CDH13: variants seen among roughly 807,000 people sequenced by gnomAD.
The protein encoded by CDH13 is cadherin-13.
In CDH13, 24 loss-of-function variants were observed where a neutral mutation model predicts 63.8. The observed-to-expected ratio is 0.38, with a 90% confidence interval of 0.27 to 0.53. The LOEUF is 0.53. Among genes scored for constraint, CDH13 ranks in the 20% least tolerant of loss-of-function variants. The probability of loss-of-function intolerance (pLI) is 0.85; values close to 1 mark genes in which losing one functional copy is unlikely to be tolerated. For synonymous variants in CDH13, 503 were observed against 355.3 expected (o/e 1.42, Z -4.67); for missense variants, 1,049 against 903.1 (o/e 1.16, Z -2.07).
chr16:83,746,375 C>A (rs190208233), intron 10 of CDH13, among the ~76,000 whole-genome samples: 5 of 152,266 alleles, frequency 3.3e-5, no homozygotes, highest in African/African-American at 1.2e-4. Context: ...TCTGCCTCCC[C>A]CTGAGGACAC....
intron 1 of CDH13, among the ~76,000 whole-genome samples, chr16:82,799,340 C>G (rs904799890): frequency 2.6e-5 from 4 of 152,174 alleles, no homozygotes; most frequent in East Asian, 1.9e-4. Context: ...GCTTGGCACC[C>G]AATCCCCACT....
intron 10 of CDH13, among the ~76,000 whole-genome samples, chr16:83,683,919 G>T (rs1379775412): frequency 6.6e-6 from 1 of 152,174 alleles, no homozygotes; most frequent in Non-Finnish European, 1.5e-5. Context: ...AAACAGATCA[G>T]GTTCCCACTC....
At chr16:83,727,460 T>C (rs1395599035) in intron 10 of CDH13, among the ~76,000 whole-genome samples, 1 of 151,722 alleles carries the variant, frequency 6.6e-6, no homozygotes, top group Non-Finnish European at 1.5e-5. Context: ...ACCGAGATTC[T>C]CCCAGCACAT....
intron 8 of CDH13, among the ~76,000 whole-genome samples, chr16:83,610,540 C>T (rs932157064): frequency 2.0e-5 from 3 of 152,150 alleles, no homozygotes; most frequent in South Asian, 2.1e-4. Context: ...CCTCTCCTGA[C>T]GTCTTTCACT....
intron 1 of CDH13, among the ~76,000 whole-genome samples, chr16:82,794,669 T>C (rs187212523): frequency 1.3e-5 from 2 of 152,332 alleles, no homozygotes; most frequent in South Asian, 2.1e-4. Flanking sequence ...TGAATAGTTA[T>C]GTTGCCATGC....
At chr16:83,114,986 T>TC (rs2035226916) in intron 3 of CDH13, among the ~76,000 whole-genome samples, 1 of 152,178 alleles carries the variant, frequency 6.6e-6, no homozygotes, top group Non-Finnish European at 1.5e-5. Context: ...AATTAAGCTG[T>TC]CCCCCTGCAG....
intron 4 of CDH13, among the ~76,000 whole-genome samples, chr16:83,137,149 C>A (rs966248391): frequency 4.6e-5 from 7 of 152,178 alleles, no homozygotes; most frequent in African/African-American, 1.7e-4. Context: ...CCTGTTCACC[C>A]CGGGTTGCAG....
chr16:83,677,409 T>C (rs1044548978), intron 9 of CDH13, among the ~76,000 whole-genome samples: 1 of 152,212 alleles, frequency 6.6e-6, no homozygotes, highest in Non-Finnish European at 1.5e-5. Context: ...GGGACTGTCC[T>C]GGGCATGGCC....
rs142483302 is a variant in CDH13, at chr16:82,740,411, C to T, written c.45+113274C>T. Among the ~76,000 whole-genome samples the T allele has an allele frequency of 7.2e-5, 11 of 152,304 alleles. No homozygotes were observed. In the East Asian group the frequency reaches 1.2e-3, roughly 16 times the overall value. On this transcript the variant is annotated intron_variant, in intron 1 of 13. Coordinates refer to ENST00000567109, the MANE Select transcript of CDH13 (RefSeq NM_001257.5). The stretch of plus-strand genomic sequence containing the variant: ...TAATGTACAGCGTATTAGCCCAACC[C>T]GCTTTCTTCAGAAGTGTCTTTAAAC...
At chr16:83,735,909 A>G (rs1911498072) in intron 10 of CDH13, 1 of 152,170 alleles carries the variant, frequency 6.6e-6, no homozygotes, top group African/African-American at 2.4e-5. Context: ...ATATTTGTAT[A>G]TATTCAGGCC....
chr16:83,133,206 C>T (rs995522132), intron 4 of CDH13, among the ~76,000 whole-genome samples: 1 of 152,198 alleles, frequency 6.6e-6, no homozygotes. Flanking sequence ...ACATTTTAAT[C>T]TATTTACAGA....
chr16:83,460,561 T>C (rs2073149629), intron 6 of CDH13, among the ~76,000 whole-genome samples: 1 of 152,148 alleles, frequency 6.6e-6, no homozygotes, highest in Non-Finnish European at 1.5e-5. Flanking sequence ...AGGACATGCA[T>C]ATGTGGAAAA....
At chr16:83,201,974 G>A (rs1385049638) in intron 4 of CDH13, among the ~76,000 whole-genome samples, 1 of 152,118 alleles carries the variant, frequency 6.6e-6, no homozygotes, top group Non-Finnish European at 1.5e-5. Context: ...CTGTAGGGTG[G>A]TGTCACCATG....
intron 7 of CDH13, among the ~76,000 whole-genome samples, chr16:83,545,771 A>C (rs565681663): frequency 8.5e-5 from 13 of 152,284 alleles, no homozygotes; most frequent in African/African-American, 3.1e-4. Flanking sequence ...TTTATCTGCC[A>C]GGCTAAGTCC....
At chr16:83,190,832 A>G (rs536024637) in intron 4 of CDH13, among the ~76,000 whole-genome samples, 40 of 152,114 alleles carry the variant, frequency 2.6e-4, no homozygotes, top group East Asian at 9.7e-4. Flanking sequence ...CAAACAGCCA[A>G]TTGATTTCTT....
rs77553022 is a variant in CDH13 at position 82,787,603 on chromosome 16, T to A, written c.46-70759T>A. 2.6e-5 allele frequency among the ~76,000 whole-genome samples: 4 copies of A among 152,330 alleles called. No homozygotes were observed. The East Asian group carries it at 7.7e-4, about 29-fold the overall frequency. ...CATATGCATCACCTCACTTCAGAAT[T>A]AGCCTATGAAGTAGAATTATTATTG... On this transcript the variant is annotated intron_variant, in intron 1 of 13. Transcript: ENST00000567109.
intron 7 of CDH13, among the ~76,000 whole-genome samples, chr16:83,502,709 C>T (rs144281721): frequency 0.011 from 1,664 of 152,266 alleles, 12 homozygotes; most frequent in Non-Finnish European, 0.016. Context: ...AACTCTTGGG[C>T]ATGAAATACA....
chr16:82,802,992 C>A (rs2036942953), intron 1 of CDH13, among the ~76,000 whole-genome samples: 1 of 152,234 alleles, frequency 6.6e-6, no homozygotes, highest in South Asian at 2.1e-4. Context: ...GGAATGGATT[C>A]ATCCAACCCT....
chr16:83,661,280 C>T (rs74838996), intron 8 of CDH13, among the ~76,000 whole-genome samples: 8 of 151,974 alleles, frequency 5.3e-5, no homozygotes, highest in Admixed American at 4.6e-4. Context: ...TGAGCCCAGG[C>T]ATTCGAGGCC....
Sources: gnomAD v4.1 joint callset for allele counts (sites outside exome capture counted in the v4.1 genomes callset) on GRCh38, gnomAD v4.1.1 for gene constraint, MANE v1.5 for transcripts, NCBI Gene and HGNC (gene_info 2026-07-23, HGNC 2026-07-21) for gene names.